The following FAF1 variants were observed in gnomAD, a reference collection of about 807,000 sequenced individuals.
FAF1 encodes Fas associated factor 1.
FAF1 carries 25 observed loss-of-function variants against 92.5 expected under a neutral mutation model. The ratio of observed to expected loss-of-function variants is 0.27; its 90% CI spans 0.20 to 0.38. The LOEUF is 0.38. FAF1 is among the 10% of genes least tolerant of loss of function. FAF1 has a pLI of 1.00. For missense variants in FAF1, 636 were observed against 793.3 expected, an observed-to-expected ratio of 0.80 and a Z score of 2.38; for synonymous variants, 234 against 273.2, an observed-to-expected ratio of 0.86 and a Z score of 1.42.
intron 8 of FAF1, among the ~76,000 whole-genome samples, chr1:50,647,377 C>T (rs2124266730): frequency 6.6e-6 from 1 of 152,330 alleles, no homozygotes; most frequent in Middle Eastern, 3.4e-3. Flanking sequence ...CTGTACCTCG[C>T]TTCTTTCTGT....
chr1:50,949,757 T>C (rs1282951771), intron 1 of FAF1, among the ~76,000 whole-genome samples: 1 of 152,176 alleles, frequency 6.6e-6, no homozygotes, highest in Admixed American at 6.5e-5. Context: ...TGAATTACAA[T>C]TGATTGTCCT....
intron 6 of FAF1, among the ~76,000 whole-genome samples, chr1:50,722,646 CAA>C (rs58511862): frequency 2.1e-4 from 14 of 65,702 alleles, no homozygotes; most frequent in Admixed American, 1.1e-3. Context: ...GCGACAGTCT[CAA>C]AAAAAAAAAA....
intron 17 of FAF1, among the ~76,000 whole-genome samples, chr1:50,482,691 T>C (rs1472153372): frequency 6.6e-6 from 1 of 152,328 alleles, no homozygotes; most frequent in Non-Finnish European, 1.5e-5. Flanking sequence ...CCTTTTTCTT[T>C]TAAAAAGTCT....
At chr1:50,538,507 T>G (rs1032885189) in intron 14 of FAF1, among the ~76,000 whole-genome samples, 4 of 147,238 alleles carry the variant, frequency 2.7e-5, no homozygotes, top group Non-Finnish European at 4.5e-5. Context: ...TTTTATAAAC[T>G]ATTCCTTTTG....
intron 14 of FAF1, among the ~76,000 whole-genome samples, chr1:50,539,260 T>C (rs1469291063): frequency 6.6e-6 from 1 of 152,194 alleles, no homozygotes; most frequent in Non-Finnish European, 1.5e-5. Context: ...TTAATCAACA[T>C]TATAACAATA....
At chr1:50,812,950 C>T (rs1184703746) in intron 2 of FAF1, among the ~76,000 whole-genome samples, 1 of 152,118 alleles carries the variant, frequency 6.6e-6, no homozygotes, top group South Asian at 2.1e-4. Context: ...AGGCCATTAT[C>T]CCAAACTAAC....
chr1:50,484,424 T>C (rs1281125258), intron 17 of FAF1, among the ~76,000 whole-genome samples: 1 of 152,194 alleles, frequency 6.6e-6, no homozygotes, highest in Non-Finnish European at 1.5e-5. Context: ...AAACTGAAAG[T>C]ACTGAAGAAA....
chr1:50,666,195 T>C (rs763310645), intron 7 of FAF1, among the ~76,000 whole-genome samples: 123 of 151,676 alleles, frequency 8.1e-4, no homozygotes, highest in Non-Finnish European at 1.2e-3. Context: ...ATTACAGGCA[T>C]AAGCAACCGC....
At chr1:50,466,923 A>T (rs1480834179) in intron 18 of FAF1, among the ~76,000 whole-genome samples, 1 of 152,186 alleles carries the variant, frequency 6.6e-6, no homozygotes, top group South Asian at 2.1e-4. Flanking sequence ...TGTTCTCCTC[A>T]TAACAATCTA....
intron 4 of FAF1, chr1:50,780,272 G>A (rs1661122163): frequency 1.3e-5 from 2 of 152,762 alleles, no homozygotes; most frequent in Middle Eastern, 3.4e-3. Flanking sequence ...ATACCCCAAT[G>A]TATAGCTGGG....
chr1:50,514,534 A>G (rs1354869834), intron 15 of FAF1, among the ~76,000 whole-genome samples: 1 of 152,208 alleles, frequency 6.6e-6, no homozygotes, highest in Admixed American at 6.5e-5. Flanking sequence ...TCCAGTAATC[A>G]ACAGTTTTAA....
At chr1:50,461,425 C>G (rs1271106802) in intron 18 of FAF1, 1 of 152,120 alleles carries the variant, frequency 6.6e-6, no homozygotes, top group East Asian at 1.9e-4. Flanking sequence ...AAGTGTATAC[C>G]TGTCATTCTT....
chr1:50,730,844 C>T (rs896523074), intron 6 of FAF1, among the ~76,000 whole-genome samples: 1 of 152,220 alleles, frequency 6.6e-6, no homozygotes, highest in African/African-American at 2.4e-5. Context: ...TTGCTACACG[C>T]TTTTCACTCT....
At chr1:50,554,034 C>T (rs913945843) in intron 13 of FAF1, among the ~76,000 whole-genome samples, 2 of 151,706 alleles carry the variant, frequency 1.3e-5, no homozygotes, top group Admixed American at 6.6e-5. Flanking sequence ...GCTAAGGACA[C>T]GTCTAATCCC....
At chr1:50,699,298 T>A (rs1273180259) in intron 7 of FAF1, among the ~76,000 whole-genome samples, 1 of 152,122 alleles carries the variant, frequency 6.6e-6, no homozygotes, top group African/African-American at 2.4e-5. Context: ...GTACTATACA[T>A]GAACAGCTTT....
intron 6 of FAF1, chr1:50,715,068 T>C (rs1658116213): frequency 5.0e-6 from 2 of 397,056 alleles, no homozygotes; most frequent in South Asian, 3.8e-5. Context: ...ATTTGGTTTC[T>C]ACAAACAGAA....
rs139791048 is a variant in FAF1 at position 50,638,733 on chromosome 1, C to G, written c.744+16709G>C. The stretch of plus-strand genomic sequence containing the variant: ...TGCTGGGATTACAGGCATGAGCCAC[C>G]ACGCCCAGCCTAGCTATTGCTTTTT... On this transcript the variant is annotated intron_variant, in intron 8 of 18. Transcript: ENST00000396153. 4.5e-3 allele frequency among the ~76,000 whole-genome samples: 677 copies of G among 152,112 alleles called. 8 individuals are homozygous for G. The highest frequency in any genetic ancestry group is 0.015 in the African/African-American group (612 of 41,542).
chr1:50,554,709 A>G (rs1457652366), intron 13 of FAF1, among the ~76,000 whole-genome samples: 1 of 152,090 alleles, frequency 6.6e-6, no homozygotes. Context: ...CCTCACCAAA[A>G]TTTATTTTAA....
intron 4 of FAF1, among the ~76,000 whole-genome samples, chr1:50,781,400 C>A (rs1226138445): frequency 1.3e-5 from 2 of 151,778 alleles, no homozygotes; most frequent in Non-Finnish European, 2.9e-5. Context: ...AAAAAACTGT[C>A]ACAGGAGATA....
Sources: allele counts gnomAD v4.1 joint callset (sites outside exome capture counted in the v4.1 genomes callset), GRCh38; gene constraint gnomAD v4.1.1; transcripts MANE v1.5; gene names NCBI Gene and HGNC (gene_info 2026-07-23, HGNC 2026-07-21).